STIM2: variants seen among roughly 807,000 people sequenced by gnomAD.
STIM2 encodes the protein stromal interaction molecule 2.
In STIM2, 31 loss-of-function variants were observed where a neutral mutation model predicts 85.8. That is an observed-to-expected ratio of 0.36 (90% CI 0.27 to 0.49). The LOEUF (loss-of-function observed/expected upper bound fraction) is 0.49. Ranked by LOEUF, STIM2 falls within the 20% of genes least tolerant of loss-of-function variation. The pLI, the probability that STIM2 is intolerant of heterozygous loss-of-function variation, is 0.98. For missense variants in STIM2, 841 were observed against 927.6 expected (o/e 0.91, Z 1.21); for synonymous variants, 356 against 331.1 (o/e 1.08, Z -0.82).
chr4:26,976,820 T>A (rs948487161), intron 3 of STIM2, among the ~76,000 whole-genome samples: 3 of 151,992 alleles, frequency 2.0e-5, no homozygotes, highest in African/African-American at 4.8e-5. Flanking sequence ...ACAAAAAAAA[T>A]TATTTTTCCT....
chr4:26,875,317 A>G (rs1383933310), intron 1 of STIM2, among the ~76,000 whole-genome samples: 1 of 152,186 alleles, frequency 6.6e-6, no homozygotes, highest in Non-Finnish European at 1.5e-5. Context: ...GAATGTAACC[A>G]AACTTATATA....
intron 1 of STIM2, among the ~76,000 whole-genome samples, chr4:26,917,830 T>C (rs2109064197): frequency 6.6e-6 from 1 of 152,336 alleles, no homozygotes; most frequent in East Asian, 1.9e-4. Flanking sequence ...CTACGTATTA[T>C]ATACAGATCT....
chr4:26,955,375 C>A (rs532089131), intron 2 of STIM2, among the ~76,000 whole-genome samples: 1 of 147,808 alleles, frequency 6.8e-6, no homozygotes, highest in East Asian at 1.9e-4. Flanking sequence ...ATATATATTA[C>A]GTAAATGAAA....
intron 1 of STIM2, among the ~76,000 whole-genome samples, chr4:26,893,255 C>G (rs935534845): frequency 6.6e-6 from 1 of 152,318 alleles, no homozygotes; most frequent in African/African-American, 2.4e-5. Context: ...GAAGTTCCCC[C>G]TCCCCATAGT....
intron 6 of STIM2, 32 bp from the exon 7 acceptor site, chr4:27,002,894 TG>T (rs1160199020): frequency 6.8e-7 from 1 of 1,474,852 alleles, no homozygotes; most frequent in Non-Finnish European, 9.0e-7. Context: ...TGGAAATTTT[TG>T]TGAGGAATTT....
intron 7 of STIM2, among the ~76,000 whole-genome samples, chr4:27,005,936 A>G (rs1158097837): frequency 6.6e-6 from 1 of 152,240 alleles, no homozygotes; most frequent in Admixed American, 6.5e-5. Context: ...TGAAAATTGT[A>G]TAGAAATTTT....
In STIM2 at chr4:27,022,544, T is replaced by C. The variant is rs554839491; in HGVS notation, c.1789T>C (p.Cys597Arg). 1.2e-6 allele frequency: 2 copies of C among 1,601,092 alleles called. No individual in the cohort carries two copies. Among genetic ancestry groups the C allele is most frequent in the East Asian group, 2.2e-5 (1 of 44,528 alleles). The change falls in exon 12 of 12, where the codon TGT (cysteine) becomes CGT (arginine). Residue 597 changes from cysteine (C) to arginine (R), a missense_variant. Transcript: ENST00000467087. Reference sequence around the variant, plus strand: ...GGAAGTGCCAGACACAGCTTCAGAATGTGACTCCTTAAATTCTTCCATTGG... The same window carrying C: ...GGAAGTGCCAGACACAGCTTCAGAACGTGACTCCTTAAATTCTTCCATTGG...
chr4:26,896,969 G>C (rs1199181879), intron 1 of STIM2, among the ~76,000 whole-genome samples: 12 of 152,094 alleles, frequency 7.9e-5, no homozygotes, highest in Non-Finnish European at 2.9e-5. Flanking sequence ...TCTGATGGTG[G>C]CCCTTTTCAT....
intron 3 of STIM2, among the ~76,000 whole-genome samples, chr4:26,986,033 G>GAACTC (rs1194440721): frequency 6.6e-6 from 1 of 152,224 alleles, no homozygotes; most frequent in Non-Finnish European, 1.5e-5. Flanking sequence ...AGATGGTTAA[G>GAACTC]AGTTGGCCTT....
chr4:26,880,248 A>G (rs1286581147), intron 1 of STIM2, among the ~76,000 whole-genome samples: 3 of 151,980 alleles, frequency 2.0e-5, no homozygotes, highest in Non-Finnish European at 4.4e-5. Context: ...GGTTTCCCAC[A>G]TCTTGATTGT....
At chr4:26,879,630 ATG>A (rs1329001657) in intron 1 of STIM2, among the ~76,000 whole-genome samples, 1 of 152,196 alleles carries the variant, frequency 6.6e-6, no homozygotes, top group Non-Finnish European at 1.5e-5. Context: ...CCGAAGGACT[ATG>A]TAAGTATCAT....
chr4:26,996,275 A>G (rs1479870193), intron 4 of STIM2, among the ~76,000 whole-genome samples: 1 of 151,986 alleles, frequency 6.6e-6, no homozygotes, highest in Non-Finnish European at 1.5e-5. Flanking sequence ...TAACTTAATA[A>G]TCTTGAAGGA....
chr4:26,999,126 TA>T lies in STIM2; in HGVS notation c.510-104del, dbSNP rs1287781181. On this transcript the variant is annotated intron_variant, in intron 4 of 11. Coordinates refer to ENST00000467087, the MANE Select transcript of STIM2 (RefSeq NM_020860.4). The stretch of plus-strand genomic sequence containing the variant: ...GATGAGCTCCAACAGTGATCATCAA[TA>T]ATATGTAAAGTGTTAAATGTGTTGC... 1.8e-5 allele frequency: 7 copies of T among 387,830 alleles called. No homozygotes were observed. The East Asian group carries it at 3.5e-4, about 19-fold the overall frequency. 24.0% of individuals were successfully genotyped at this position (387,830 alleles called of 1,614,324 possible). A position where few individuals can be genotyped will look rare whatever the true frequency, so the allele number is the denominator to read the frequency against.
intron 11 of STIM2, 120 bp from the exon 12 acceptor site, chr4:27,022,399 A>G (rs2109149639): frequency 6.3e-6 from 5 of 791,966 alleles, no homozygotes; most frequent in Non-Finnish European, 1.0e-5. Context: ...ATATAGAATC[A>G]TATCATTTCC....
intron 3 of STIM2, among the ~76,000 whole-genome samples, chr4:26,987,403 A>G (rs1264610341): frequency 6.6e-6 from 1 of 152,216 alleles, no homozygotes; most frequent in Admixed American, 6.5e-5. Context: ...TTTTGATAGC[A>G]GCATGGGTGA....
chr4:26,936,814 G>A (rs187185947), intron 2 of STIM2, among the ~76,000 whole-genome samples: 57 of 152,276 alleles, frequency 3.7e-4, no homozygotes, highest in Middle Eastern at 3.4e-3. Context: ...GTTTGAGACA[G>A]CATGTCGCTC....
rs375970748 is a variant in STIM2 at position 27,008,570 on chromosome 4, G to A, written c.1250+42G>A. ...CACTTTTATTTGATTTATGTTTATT[G>A]TGTTAAAATGAGTAATTTGTGAACA... On this transcript the variant is annotated intron_variant, in intron 9 of 11. Transcript: ENST00000467087. 228 of 1,382,992 alleles carry A rather than the reference G, an allele frequency of 1.6e-4. 3 individuals carry two copies. The East Asian group carries it at 1.7e-3, about 10-fold the overall frequency. The allele number at this position is 1,382,992 out of a possible 1,614,324, so 85.7% of individuals were successfully genotyped here.
intron 1 of STIM2, among the ~76,000 whole-genome samples, chr4:26,891,400 T>G (rs1331189811): frequency 6.6e-6 from 1 of 152,158 alleles, no homozygotes; most frequent in Admixed American, 6.5e-5. Context: ...GAATTTGGAC[T>G]CAAGTAAAAC....
intron 5 of STIM2, among the ~76,000 whole-genome samples, chr4:27,001,615 T>C (rs1728159562): frequency 1.3e-5 from 2 of 152,168 alleles, no homozygotes; most frequent in Non-Finnish European, 2.9e-5. Flanking sequence ...ATACTTCTGA[T>C]GTCTGCCCAC....
Sources: gnomAD v4.1 joint callset for allele counts (sites outside exome capture counted in the v4.1 genomes callset) on GRCh38, gnomAD v4.1.1 for gene constraint, MANE v1.5 for transcripts, NCBI Gene and HGNC (gene_info 2026-07-23, HGNC 2026-07-21) for gene names.